Variants in KRT37 observed in about 807,000 individuals in gnomAD.
KRT37 encodes keratin 37, also known as keratin, type I cuticular Ha7.
Under a neutral mutation model 41.9 loss-of-function variants are expected in KRT37, and 38 were observed. The ratio of observed to expected loss-of-function variants is 0.91; its 90% CI spans 0.70 to 1.19. The LOEUF (loss-of-function observed/expected upper bound fraction) is 1.19, where lower values mean the gene tolerates loss of function less well. Among genes scored for constraint, KRT37 ranks in the 50% most tolerant of loss-of-function variants. The pLI is 0.00. For missense variants in KRT37, 580 were observed against 575.5 expected (o/e 1.01, Z -0.08); for synonymous variants, 252 against 243.4 (o/e 1.04, Z -0.33).
At position 41,423,814 on chromosome 17, in the gene KRT37, G is replaced by A. The variant is rs2018574768; in HGVS notation, c.523C>T (p.Leu175=). Residue 175 remains leucine (L), a synonymous_variant, in exon 2 of 7, where the codon CTG becomes TTG. Coordinates refer to ENST00000225550, the MANE Select transcript of KRT37 (RefSeq NM_003770.5). ...TTCGCGTTGTCAATTTGTACAATCAGCCTGGCATTCTCAGCCTTGCTGCAC... is the reference window on the plus strand; with the variant it reads ...TTCGCGTTGTCAATTTGTACAATCAACCTGGCATTCTCAGCCTTGCTGCAC... ...ILCSKAENAR[L]IVQIDNAKLA... 1.2e-6 allele frequency: 2 copies of A among 1,614,234 alleles called. No homozygotes were observed. Among genetic ancestry groups the A allele is most frequent in the South Asian group, 1.1e-5 (1 of 91,084 alleles).
At position 41,422,800 on chromosome 17, in the gene KRT37, G is replaced by A. The variant is rs1555556260; in HGVS notation, c.710C>T (p.Ser237Phe). The A allele has an allele frequency of 5.0e-6, 8 of 1,611,604 alleles. No homozygotes were observed. The Middle Eastern group carries it at 5.0e-4, about 101-fold the overall frequency. ...QQESLKEEQLSLKSNHEQEVK... is the reference protein window; with the variant it reads ...QQESLKEEQLFLKSNHEQEVK... ...CACCTGCTCGTGGTTGCTCTTGAGG[G>A]AGAGCTGCTCCTCCTTCAGGGACTC... Residue 237 changes from serine (S) to phenylalanine (F), a missense_variant, in exon 3 of 7, where the codon TCC becomes TTC. Ser to Phe is a radical substitution (Grantham distance 155). Coordinates refer to ENST00000225550, the MANE Select transcript of KRT37 (RefSeq NM_003770.5).
In KRT37 at chr17:41,424,088, T is replaced by C. The variant is rs758696552; in HGVS notation, c.436A>G (p.Thr146Ala). Reference sequence around the variant, plus strand: ...TAGGACTGGTAGTCGGGGCACACGGTGGACTCGTGGCACTTGCTCCTCTCG... The same window carrying C: ...TAGGACTGGTAGTCGGGGCACACGGCGGACTCGTGGCACTTGCTCCTCTCG... ...LLERSKCHES[T>A]VCPDYQSYFR... Residue 146 changes from threonine to alanine, a missense_variant, in exon 1 of 7, where the codon ACC (threonine) becomes GCC (alanine). Thr to Ala is a moderately conservative substitution (Grantham distance 58). Coordinates refer to ENST00000225550, the MANE Select transcript of KRT37 (RefSeq NM_003770.5). 5.0e-6 allele frequency: 8 copies of C among 1,614,200 alleles called. No individual in the cohort carries two copies. In the East Asian group the frequency reaches 1.6e-4, roughly 31 times the overall value.
At chr17:41,421,850 A>C (rs979372153) in intron 5 of KRT37, among the ~76,000 whole-genome samples, 2 of 152,198 alleles carry the variant, frequency 1.3e-5, no homozygotes, top group Non-Finnish European at 1.5e-5. Flanking sequence ...TGAGTGCCTG[A>C]ACTTCCGCAC....
rs201557624 is a variant in KRT37, at chr17:41,424,016, C to T, written c.492+16G>A. 1.2e-5 allele frequency: 20 copies of T among 1,609,208 alleles called. No homozygotes were observed. The highest frequency in any genetic ancestry group is 4.0e-5 in the African/African-American group (3 of 74,884). ...CCTTCTCAGACCCAGCATGCCCAGGCGATCCCACACCTCACCTTCTGCTGG... is the reference window on the plus strand; with the variant it reads ...CCTTCTCAGACCCAGCATGCCCAGGTGATCCCACACCTCACCTTCTGCTGG... On this transcript the variant is annotated intron_variant, in intron 1 of 6. Transcript: ENST00000225550.
In KRT37 at chr17:41,420,974, A is replaced by T. The variant is rs763269597; in HGVS notation, c.1254T>A (p.Asn418Lys). Residue 418 changes from asparagine to lysine, a missense_variant, in exon 7 of 7, where the codon AAT becomes AAA. Physicochemically the swap from Asn to Lys is moderately conservative, Grantham distance 94. Transcript: ENST00000225550. ...TACAGGAGGCAGGCGTGGAACAGGG[A>T]TTGCAGGGGAGTCTGCAGGGAGAGA... is the stretch of plus-strand genomic sequence containing the variant. ...LESEDCKLPC[N>K]PCSTPASCTS... 1.2e-6 allele frequency: 2 copies of T among 1,613,042 alleles called. No individual in the cohort carries two copies. The highest frequency in any genetic ancestry group is 4.5e-5 in the East Asian group (2 of 44,880).
intron 5 of KRT37, 33 bp from the exon 6 acceptor site, chr17:41,421,620 G>A (rs748902763): frequency 6.3e-7 from 1 of 1,599,484 alleles, no homozygotes; most frequent in South Asian, 1.1e-5. Flanking sequence ...AAGAGATCCA[G>A]GTGCCCCAAA....
At position 41,422,496 on chromosome 17, in the gene KRT37, C is replaced by T. The variant is rs2018555009; in HGVS notation, c.733-62G>A. 7.6e-6 allele frequency: 12 copies of T among 1,586,630 alleles called. No homozygotes were observed. The Middle Eastern group carries it at 5.1e-4, about 67-fold the overall frequency. On this transcript the variant is annotated intron_variant, in intron 3 of 6. Coordinates refer to ENST00000225550, the MANE Select transcript of KRT37 (RefSeq NM_003770.5). ...AAACGGCCTTTGATGGAGCAGACAG[C>T]ACCAGGACTCCGTCCCTGGCAAGCA... is the stretch of plus-strand genomic sequence containing the variant.
Position 41,420,761 on chromosome 17 carries a change from C to G in KRT37, c.*117G>C. 3 of 621,560 alleles carry G rather than the reference C, an allele frequency of 4.8e-6. No homozygotes were observed. Among genetic ancestry groups the G allele is most frequent in the Non-Finnish European group, 8.6e-6 (3 of 348,866 alleles). The allele number at this position is 621,560 out of a possible 1,614,324, so 38.5% of individuals were successfully genotyped here. A position where few individuals can be genotyped will look rare whatever the true frequency, so the allele number is the denominator to read the frequency against. ...GCCACTCCTTGGAAGTATCTGCTAC[C>G]GGTTGATTTAGGGAAAATGCCTCAG... On this transcript the variant is annotated 3_prime_UTR_variant, in exon 7 of 7. Transcript: ENST00000225550.
chr17:41,422,986 C>T, intron 2 of KRT37, 52 bp from the exon 3 acceptor site: 4 of 1,574,022 alleles, frequency 2.5e-6, no homozygotes, highest in Non-Finnish European at 3.5e-6. Flanking sequence ...TAGCCCCTCT[C>T]AGCTGCCCTG....
intron 2 of KRT37, among the ~76,000 whole-genome samples, chr17:41,423,170 T>C (rs1396235297): frequency 6.6e-6 from 1 of 152,222 alleles, no homozygotes; most frequent in African/African-American, 2.4e-5. Context: ...GCCCAGTTAA[T>C]AGTAAATGCA....
At position 41,424,430 on chromosome 17, in the gene KRT37, A is replaced by G; in HGVS notation, c.94T>C (p.Cys32Arg). 6.2e-7 allele frequency: 1 copy of G among 1,612,004 alleles called. No homozygotes were observed. The highest frequency in any genetic ancestry group is 2.2e-5 in the East Asian group (1 of 44,778). Residue 32 changes from cysteine to arginine, a missense_variant, in exon 1 of 7, where the codon TGC becomes CGC. Transcript: ENST00000225550. Reference protein sequence around the residue: ...NVFVSPIDVGCQPVAEANAAS... With the variant: ...NVFVSPIDVGRQPVAEANAAS... ...GCATTGGCCTCTGCCACAGGCTGGC[A>G]CCCAACATCGATAGGAGAGACAAAG...
chr17:41,421,047 T>C, intron 6 of KRT37, 61 bp from the exon 7 acceptor site: 1 of 1,371,502 alleles, frequency 7.3e-7, no homozygotes, highest in East Asian at 2.3e-5. Flanking sequence ...TGGACAAGGG[T>C]AAGATCAGGG....
Position 41,420,850 on chromosome 17 carries a change from C to T in KRT37, c.*28G>A. 3.9e-6 allele frequency: 6 copies of T among 1,521,686 alleles called. No homozygotes were observed. The highest frequency in any genetic ancestry group is 5.5e-6 in the Non-Finnish European group (6 of 1,097,636). 94.3% of individuals were successfully genotyped at this position (1,521,686 alleles called of 1,614,324 possible). The stretch of plus-strand genomic sequence containing the variant: ...CACTCCTGACCCCAGTGCAACCAGC[C>T]TCAATCTCCTAACTCGGGCCTTCAG... On this transcript the variant is annotated 3_prime_UTR_variant, in exon 7 of 7. Coordinates refer to ENST00000225550, the MANE Select transcript of KRT37 (RefSeq NM_003770.5).
In KRT37 at chr17:41,424,420, A is replaced by C. The variant is rs1421682186; in HGVS notation, c.104T>G (p.Val35Gly). The C allele has an allele frequency of 6.2e-7, 1 of 1,612,442 alleles. No individual in the cohort carries two copies. The highest frequency in any genetic ancestry group is 8.5e-7 in the Non-Finnish European group (1 of 1,178,696). Reference protein sequence around the residue: ...VSPIDVGCQPVAEANAASMCL... With the variant: ...VSPIDVGCQPGAEANAASMCL... ...CATGGAGGCAGCATTGGCCTCTGCC[A>C]CAGGCTGGCACCCAACATCGATAGG... The change falls in exon 1 of 7, where the codon GTG (valine) becomes GGG (glycine). Residue 35 changes from valine (V) to glycine (G), a missense_variant. Val to Gly is a moderately radical substitution (Grantham distance 109, BLOSUM62 -3). Transcript: ENST00000225550.
intron 2 of KRT37, 33 bp downstream of exon 2, chr17:41,423,729 G>A (rs764614001): frequency 1.3e-6 from 2 of 1,594,066 alleles, no homozygotes; most frequent in Non-Finnish European, 1.7e-6. Flanking sequence ...CAGCAGGAGA[G>A]AAGTCACACT....
chr17:41,420,932 A>G lies in KRT37; in HGVS notation c.1296T>C (p.Cys432=), dbSNP rs2018530618. The change falls in exon 7 of 7, where the codon TGT becomes TGC. Residue 432 remains cysteine, a synonymous_variant. Transcript: ENST00000225550. ...TPASCTSCPS[C]GPVTGGSPSG... is the part of the protein sequence containing the mutation. ...AGGGAGACCCACCGGTGACAGGGCCACAGCTTGGACAAGAAGTACAGGAGG... is the reference window on the plus strand; with the variant it reads ...AGGGAGACCCACCGGTGACAGGGCCGCAGCTTGGACAAGAAGTACAGGAGG... 6.2e-7 allele frequency: 1 copy of G among 1,614,132 alleles called. No individual in the cohort carries two copies. Among genetic ancestry groups the G allele is most frequent in the Admixed American group, 1.7e-5 (1 of 60,026 alleles).
rs913520729 is a variant in KRT37, at chr17:41,423,049, T to C, written c.576-115A>G. On this transcript the variant is annotated intron_variant, in intron 2 of 6. Transcript: ENST00000225550. ...TCCTTATTTGTTCACGTGGGCAGTA[T>C]ACACTATTCTCAACCCTGCAGCGAC... 11 of 1,284,066 alleles carry C rather than the reference T, an allele frequency of 8.6e-6. No homozygotes were observed. The Admixed American group carries it at 2.6e-4, about 30-fold the overall frequency. The allele number at this position is 1,284,066 out of a possible 1,614,324, so 79.5% of individuals were successfully genotyped here.
Position 41,420,683 on chromosome 17 carries a change from A to G in KRT37, c.*195T>C. 2.2e-6 allele frequency: 1 copy of G among 453,680 alleles called. No homozygotes were observed. The highest frequency in any genetic ancestry group is 3.9e-6 in the Non-Finnish European group (1 of 258,050). 28.1% of individuals were successfully genotyped at this position (453,680 alleles called of 1,614,324 possible). A position where few individuals can be genotyped will look rare whatever the true frequency, so the allele number is the denominator to read the frequency against. ...AAAATAATTGCTTTCATGGAAGATAATTACAACATTTTAGCAACAACAAAA... is the reference window on the plus strand; with the variant it reads ...AAAATAATTGCTTTCATGGAAGATAGTTACAACATTTTAGCAACAACAAAA... On this transcript the variant is annotated 3_prime_UTR_variant, in exon 7 of 7. Transcript: ENST00000225550.
intron 2 of KRT37, chr17:41,423,433 C>A: frequency 6.5e-6 from 2 of 307,450 alleles, no homozygotes; most frequent in Non-Finnish European, 1.2e-5. Context: ...AGTCTAGCAA[C>A]AACCTATGCA....
Sources: gnomAD v4.1 joint callset for allele counts (sites outside exome capture counted in the v4.1 genomes callset) on GRCh38, gnomAD v4.1.1 for gene constraint, MANE v1.5 for transcripts, NCBI Gene and HGNC (gene_info 2026-07-23, HGNC 2026-07-21) for gene names.